Variants in TBC1D14 observed in about 807,000 individuals in gnomAD.
The protein encoded by TBC1D14 is TBC1 domain family member 14.
In TBC1D14, 26 loss-of-function variants were observed where a neutral mutation model predicts 79.0. That is an observed-to-expected ratio of 0.33 (90% CI 0.24 to 0.46). The LOEUF is 0.46. Among genes scored for constraint, TBC1D14 ranks in the 20% least tolerant of loss-of-function variants. The pLI, the probability that TBC1D14 is intolerant of heterozygous loss-of-function variation, is 1.00. For synonymous variants in TBC1D14, 394 were observed against 349.9 expected (o/e 1.13, Z -1.40); for missense variants, 769 against 887.6 (o/e 0.87, Z 1.70).
At chr4:6,960,169 C>T (rs778318527) in intron 2 of TBC1D14, among the ~76,000 whole-genome samples, 18 of 151,546 alleles carry the variant, frequency 1.2e-4, no homozygotes, top group Non-Finnish European at 2.2e-4. Flanking sequence ...GCAACCTCCG[C>T]CTCCGGGGCT....
At chr4:6,910,056 G>C (rs575899425) in intron 1 of TBC1D14, 105 bp downstream of exon 1, 1 of 148,382 alleles carries the variant, frequency 6.7e-6, no homozygotes, top group South Asian at 2.1e-4. Context: ...GAGCGGCCGG[G>C]GCGAGGCAGG....
chr4:7,007,056 C>T (rs1560340619), intron 9 of TBC1D14, among the ~76,000 whole-genome samples: 1 of 152,194 alleles, frequency 6.6e-6, no homozygotes, highest in South Asian at 2.1e-4. Context: ...CACTCCTCTG[C>T]TCTCAGGACT....
In TBC1D14 at chr4:6,919,961, C is replaced by G. The variant is rs1723717375; in HGVS notation, c.-17-3412C>G. Among the ~76,000 whole-genome samples the G allele has an allele frequency of 2.6e-5, 4 of 152,322 alleles. No individual in the cohort carries two copies. The South Asian group carries it at 8.3e-4, about 32-fold the overall frequency. ...ATAGCGTCTCGCTGTGTTGCCCAGGCTGGAGTGCCGTGGCGCTGTCACAGC... is the reference window on the plus strand; with the variant it reads ...ATAGCGTCTCGCTGTGTTGCCCAGGGTGGAGTGCCGTGGCGCTGTCACAGC... On this transcript the variant is annotated intron_variant, in intron 1 of 13. Coordinates refer to ENST00000409757, the MANE Select transcript of TBC1D14 (RefSeq NM_020773.3).
intron 1 of TBC1D14, among the ~76,000 whole-genome samples, chr4:6,920,187 T>G (rs1298682866): frequency 1.3e-5 from 2 of 152,204 alleles, no homozygotes; most frequent in Non-Finnish European, 2.9e-5. Flanking sequence ...ATTTAATTCC[T>G]TCACATTTCT....
At chr4:6,960,418 T>A (rs1271163887) in intron 2 of TBC1D14, among the ~76,000 whole-genome samples, 2 of 152,212 alleles carry the variant, frequency 1.3e-5, no homozygotes, top group African/African-American at 4.8e-5. Flanking sequence ...CTACCCAATA[T>A]CCTGCTCCAG....
chr4:6,931,200 C>G (rs1442571048), intron 2 of TBC1D14, among the ~76,000 whole-genome samples: 2 of 152,188 alleles, frequency 1.3e-5, no homozygotes, highest in Non-Finnish European at 2.9e-5. Context: ...CGCCCGGCCT[C>G]ACTCTGGGTC....
In TBC1D14 at chr4:6,924,063, AG is replaced by A; in HGVS notation, c.678del (p.Ser227ValfsTer3). Reference protein sequence around the residue: ...HQQDCVHEAEEGSKLKILGPF... With the variant: ...HQQDCVHEAEXGSKLKILGPF... ...CAGGACTGTGTTCATGAAGCTGAGG[AG>A]GGGAGTAAATTGAAAATATTGGGGC... On this transcript the variant is annotated frameshift_variant, in exon 2 of 14. Transcript: ENST00000409757. LOFTEE classifies it high-confidence loss of function. 1 of 1,613,858 alleles carries A rather than the reference AG, an allele frequency of 6.2e-7. No individual in the cohort carries two copies. Among genetic ancestry groups the A allele is most frequent in the Non-Finnish European group, 8.5e-7 (1 of 1,179,980 alleles).
At chr4:6,992,381 T>G (rs1053087768) in intron 3 of TBC1D14, among the ~76,000 whole-genome samples, 4 of 152,228 alleles carry the variant, frequency 2.6e-5, no homozygotes, top group African/African-American at 9.6e-5. Flanking sequence ...AGGCCCAGCC[T>G]TGCTGGCTGT....
At chr4:6,968,885 C>G (rs897430128) in intron 3 of TBC1D14, among the ~76,000 whole-genome samples, 1 of 152,210 alleles carries the variant, frequency 6.6e-6, no homozygotes, top group East Asian at 1.9e-4. Context: ...CCCAGTGCTG[C>G]GTCGTGGGGT....
chr4:6,953,404 G>A (rs1179745317), intron 2 of TBC1D14, among the ~76,000 whole-genome samples: 2 of 137,546 alleles, frequency 1.5e-5, no homozygotes, highest in Non-Finnish European at 1.6e-5. Flanking sequence ...GGCGGATCAC[G>A]AGGTCAGGAG....
intron 2 of TBC1D14, among the ~76,000 whole-genome samples, chr4:6,940,891 C>T (rs1401620858): frequency 3.3e-5 from 5 of 152,100 alleles, no homozygotes; most frequent in Non-Finnish European, 7.4e-5. Context: ...GGGATCACCG[C>T]GTCCCGGCTT....
intron 3 of TBC1D14, among the ~76,000 whole-genome samples, chr4:6,981,109 C>G (rs1015525156): frequency 2.6e-5 from 4 of 150,982 alleles, no homozygotes; most frequent in African/African-American, 7.3e-5. Context: ...ACTGCAACCT[C>G]TGCCTCCTGG....
rs564059174 is a variant in TBC1D14 at position 7,016,997 on chromosome 4, T to C, written c.1757+2440T>C. On this transcript the variant is annotated intron_variant, in intron 12 of 13. Coordinates refer to ENST00000409757, the MANE Select transcript of TBC1D14 (RefSeq NM_020773.3). ...AGCCCAGTGTAACACTTGTGTTTTA[T>C]AGAGGAAAAAAACAGGCTCAGGGCG... Among the ~76,000 whole-genome samples the C allele has an allele frequency of 3.9e-5, 6 of 152,268 alleles. No individual in the cohort carries two copies. The South Asian group carries it at 8.3e-4, about 21-fold the overall frequency.
chr4:7,006,442 T>G (rs886670294), intron 8 of TBC1D14, among the ~76,000 whole-genome samples, 190 bp from the exon 9 acceptor site: 1 of 152,232 alleles, frequency 6.6e-6, no homozygotes, highest in African/African-American at 2.4e-5. Context: ...CCATAAGATA[T>G]TTTGTTCTCT....
At chr4:6,960,405 T>C (rs538137985) in intron 2 of TBC1D14, among the ~76,000 whole-genome samples, 2 of 152,142 alleles carry the variant, frequency 1.3e-5, no homozygotes, top group Non-Finnish European at 2.9e-5. Context: ...CCCGTGCCTT[T>C]TGCTACCCAA....
intron 2 of TBC1D14, among the ~76,000 whole-genome samples, chr4:6,966,780 A>G (rs768561495): frequency 6.6e-6 from 1 of 152,224 alleles, no homozygotes; most frequent in Non-Finnish European, 1.5e-5. Flanking sequence ...TCTAAATTAT[A>G]GAATTAGTTG....
chr4:7,025,182 C>A lies in TBC1D14; in HGVS notation c.1936C>A (p.Pro646Thr), dbSNP rs151021005. 3 of 1,614,108 alleles carry A rather than the reference C, an allele frequency of 1.9e-6. No individual in the cohort carries two copies. In the African/African-American group the frequency reaches 4.0e-5, roughly 22 times the overall value. The change falls in exon 13 of 14, where the codon CCC becomes ACC. Residue 646 changes from proline to threonine, a missense_variant. Physicochemically the swap from Pro to Thr is conservative, Grantham distance 38 (BLOSUM62 -1). Coordinates refer to ENST00000409757, the MANE Select transcript of TBC1D14 (RefSeq NM_020773.3). ...CATGGCCCAGTTCCTGACCCGGCTG[C>A]CCGAGGACCTGCCCGCCGAGGAGCT... Reference protein sequence around the residue: ...IHMAQFLTRLPEDLPAEELFA... With the variant: ...IHMAQFLTRLTEDLPAEELFA...
intron 11 of TBC1D14, among the ~76,000 whole-genome samples, chr4:7,011,765 C>T (rs1030671401): frequency 1.3e-5 from 2 of 151,590 alleles, no homozygotes; most frequent in African/African-American, 4.8e-5. Context: ...GCCATGTTGG[C>T]CAGGCTGGTC....
At chr4:7,014,932 C>T (rs1721133643) in intron 12 of TBC1D14, among the ~76,000 whole-genome samples, 1 of 152,202 alleles carries the variant, frequency 6.6e-6, no homozygotes, top group African/African-American at 2.4e-5. Context: ...GGACACTGTC[C>T]ACGTGAGATG....
Sources: allele counts gnomAD v4.1 joint callset (sites outside exome capture counted in the v4.1 genomes callset), GRCh38; gene constraint gnomAD v4.1.1; transcripts MANE v1.5; gene names NCBI Gene and HGNC (gene_info 2026-07-23, HGNC 2026-07-21).